HECW1: variants seen among roughly 807,000 people sequenced by gnomAD.
HECW1 encodes the protein HECT, C2 and WW domain containing E3 ubiquitin protein ligase 1, also known as E3 ubiquitin-protein ligase HECW1.
A neutral mutation model predicts 182.3 loss-of-function variants in HECW1; 61 were observed. The ratio of observed to expected loss-of-function variants is 0.33; its 90% CI spans 0.27 to 0.41. The LOEUF is 0.41. Ranked by LOEUF, HECW1 falls within the 10% of genes least tolerant of loss-of-function variation. HECW1 has a pLI of 1.00. For synonymous variants in HECW1, 859 were observed against 832.6 expected, an observed-to-expected ratio of 1.03 and a Z score of -0.55; for missense variants, 1,739 against 2,108.9, an observed-to-expected ratio of 0.82 and a Z score of 3.44.
intron 3 of HECW1, among the ~76,000 whole-genome samples, chr7:43,263,094 T>C (rs1801359951): frequency 6.6e-6 from 1 of 152,194 alleles, no homozygotes; most frequent in Non-Finnish European, 1.5e-5. Context: ...CCGCAATTAC[T>C]TACCTGTGCG....
chr7:43,507,292 A>C (rs1412858515), intron 22 of HECW1, 35 bp downstream of exon 22: 3 of 1,603,356 alleles, frequency 1.9e-6, no homozygotes, highest in Non-Finnish European at 2.6e-6. Flanking sequence ...GAATTCAGAC[A>C]GTAGATTTTT....
chr7:43,154,517 C>T (rs747758442), intron 2 of HECW1, among the ~76,000 whole-genome samples: 1 of 152,162 alleles, frequency 6.6e-6, no homozygotes, highest in Non-Finnish European at 1.5e-5. Flanking sequence ...ATTATATTCT[C>T]GTTGTAGTAA....
chr7:43,319,238 T>A (rs1429009471), intron 4 of HECW1, among the ~76,000 whole-genome samples: 1 of 149,942 alleles, frequency 6.7e-6, no homozygotes, highest in African/African-American at 2.5e-5. Flanking sequence ...ATACAAAAAA[T>A]TAGCCGGGCG....
chr7:43,392,589 G>A (rs1019435981), intron 6 of HECW1, among the ~76,000 whole-genome samples: 6 of 152,210 alleles, frequency 3.9e-5, no homozygotes, highest in African/African-American at 1.4e-4. Flanking sequence ...TTGCCCTTGG[G>A]CATAGCTGCT....
At chr7:43,264,619 G>C (rs1308016376) in intron 3 of HECW1, among the ~76,000 whole-genome samples, 2 of 152,068 alleles carry the variant, frequency 1.3e-5, no homozygotes, top group Non-Finnish European at 2.9e-5. Context: ...GCCAAGGCGG[G>C]CAGATCACAA....
rs199596402 is a variant in HECW1 at position 43,336,162 on chromosome 7, C to T, written c.460+15420C>T. Among the ~76,000 whole-genome samples, 517 of 108,408 alleles carry T rather than the reference C, an allele frequency of 4.8e-3. 3 individuals carry two copies. The highest frequency in any genetic ancestry group is 0.011 in the African/African-American group (261 of 23,032). The allele number at this position is 108,408 out of a possible 152,430, so 71.1% of individuals were successfully genotyped here. ...TCTCTCTTTCTCTCTCTCTCTCTCT[C>T]TCTCTCTCTCTCTCTCTCTCTCTCT... On this transcript the variant is annotated intron_variant, in intron 5 of 29. Coordinates refer to ENST00000395891, the MANE Select transcript of HECW1 (RefSeq NM_015052.5).
chr7:43,242,637 T>C (rs758471945), intron 2 of HECW1, among the ~76,000 whole-genome samples: 3 of 151,956 alleles, frequency 2.0e-5, no homozygotes, highest in Admixed American at 6.5e-5. Context: ...AATTGGAGAG[T>C]TGGCGATGTT....
At chr7:43,231,895 G>A (rs373650626) in intron 2 of HECW1, among the ~76,000 whole-genome samples, 3,738 of 151,772 alleles carry the variant, frequency 0.025, 51 homozygotes, top group Middle Eastern at 0.061. Context: ...GGTGGCGGGC[G>A]CCTGTAGTCC....
At chr7:43,458,214 C>T (rs1357808528) in intron 13 of HECW1, among the ~76,000 whole-genome samples, 1 of 152,096 alleles carries the variant, frequency 6.6e-6, no homozygotes, top group Non-Finnish European at 1.5e-5. Context: ...TCTGTCTTGC[C>T]AAAAATGATA....
At chr7:43,314,829 C>T (rs1476282785) in intron 4 of HECW1, among the ~76,000 whole-genome samples, 1 of 152,176 alleles carries the variant, frequency 6.6e-6, no homozygotes, top group Non-Finnish European at 1.5e-5. Context: ...ATTTTCCGTG[C>T]TTTGCCAGAG....
At chr7:43,121,014 C>T (rs998319252) in intron 2 of HECW1, among the ~76,000 whole-genome samples, 20 of 152,076 alleles carry the variant, frequency 1.3e-4, no homozygotes, top group African/African-American at 4.8e-4. Flanking sequence ...GTCTCAGGAT[C>T]CTCTGAGCAT....
chr7:43,509,288 C>A, intron 24 of HECW1, 167 bp downstream of exon 24: 3 of 577,622 alleles, frequency 5.2e-6, no homozygotes, highest in South Asian at 3.0e-5. Context: ...TAGTCTTCAC[C>A]CAGAACACAA....
At chr7:43,359,138 C>A (rs986818037) in intron 5 of HECW1, among the ~76,000 whole-genome samples, 1 of 152,010 alleles carries the variant, frequency 6.6e-6, no homozygotes, top group African/African-American at 2.4e-5. Context: ...TATCTTTTAA[C>A]CTAAAGAAGA....
intron 2 of HECW1, among the ~76,000 whole-genome samples, chr7:43,160,992 C>T (rs117737329): frequency 2.1e-3 from 314 of 150,334 alleles, no homozygotes; most frequent in Middle Eastern, 0.014. Flanking sequence ...TTTTTTTCTC[C>T]TTCTAAACCA....
At chr7:43,470,347 C>A (rs2077969074) in intron 16 of HECW1, among the ~76,000 whole-genome samples, 3 of 152,210 alleles carry the variant, frequency 2.0e-5, no homozygotes, top group Non-Finnish European at 4.4e-5. Context: ...CAAGATGACA[C>A]CACCATGTTC....
intron 6 of HECW1, 69 bp downstream of exon 6, chr7:43,361,049 T>TGTGCGTGC: frequency 2.4e-6 from 2 of 821,644 alleles, no homozygotes; most frequent in Non-Finnish European, 3.9e-6. Context: ...ATTTTGTTCT[T>TGTGCGTGC]GTGCGTGCGT....
At chr7:43,529,199 T>C (rs919477424) in intron 24 of HECW1, among the ~76,000 whole-genome samples, 4 of 152,038 alleles carry the variant, frequency 2.6e-5, no homozygotes, top group African/African-American at 9.7e-5. Flanking sequence ...CTCCTCCCCC[T>C]ACCATCGCTC....
rs180758065 is a variant in HECW1 at position 43,524,952 on chromosome 7, C to T, written c.4019+15831C>T. ...AGGATTTAAACTGAGGAGGTTTTCA[C>T]GAGAATCAGCGTTAATTAACTTGAG... On this transcript the variant is annotated intron_variant, in intron 24 of 29. Transcript: ENST00000395891. Among the ~76,000 whole-genome samples the T allele has an allele frequency of 1.7e-3, 265 of 152,306 alleles. 2 individuals carry two copies. The highest frequency in any genetic ancestry group is 5.8e-3 in the Admixed American group (89 of 15,300).
chr7:43,488,434 G>GAGAAAGAAAGAAAAAGAAAGAA lies in HECW1; in HGVS notation c.3235-3628_3235-3627insAAGAAAGAAAGAAAGAAAGAAA, dbSNP rs1554440501. 1.8e-4 allele frequency among the ~76,000 whole-genome samples: 17 copies of GAGAAAGAAAGAAAAAGAAAGAA among 93,082 alleles called. 2 individuals carry two copies. Among genetic ancestry groups the GAGAAAGAAAGAAAAAGAAAGAA allele is most frequent in the African/African-American group, 6.6e-4 (15 of 22,600 alleles). 61.1% of individuals were successfully genotyped at this position (93,082 alleles called of 152,430 possible). ...AAAGAGAGAGAGAGAAAGAAAGAAAGAGAAAGAAAGAAAGAAAGAAAGAAA... is the reference window on the plus strand; with the variant it reads ...AAAGAGAGAGAGAGAAAGAAAGAAAGAGAAAGAAAGAAAAAGAAAGAAAGAAAGAAAGAAAGAAAGAAAGAAA... On this transcript the variant is annotated intron_variant, in intron 17 of 29. Transcript: ENST00000395891.
Sources: allele counts gnomAD v4.1 joint callset (sites outside exome capture counted in the v4.1 genomes callset), GRCh38; gene constraint gnomAD v4.1.1; transcripts MANE v1.5; gene names NCBI Gene and HGNC (gene_info 2026-07-23, HGNC 2026-07-21).